The following RGS7 variants were observed in gnomAD, a reference collection of about 807,000 sequenced individuals.
The protein encoded by RGS7 is regulator of G-protein signaling 7.
RGS7 carries 27 observed loss-of-function variants against 81.1 expected under a neutral mutation model. The observed-to-expected ratio is 0.33, with a 90% CI of 0.25 to 0.46. The LOEUF (loss-of-function observed/expected upper bound fraction) is 0.46. Ranked by LOEUF, RGS7 falls within the 20% of genes least tolerant of loss-of-function variation. RGS7 has a pLI of 1.00. For synonymous variants in RGS7, 208 were observed against 207.7 expected (o/e 1.00, Z -0.01); for missense variants, 396 against 607.4 (o/e 0.65, Z 3.66).
intron 2 of RGS7, among the ~76,000 whole-genome samples, chr1:241,310,739 C>T (rs937522319): frequency 4.6e-5 from 7 of 152,110 alleles, no homozygotes; most frequent in African/African-American, 1.7e-4. Flanking sequence ...CAATTCAGAA[C>T]TGTCCTACTT....
chr1:241,004,517 G>A (rs968479894), intron 3 of RGS7, among the ~76,000 whole-genome samples: 9 of 152,080 alleles, frequency 5.9e-5, no homozygotes, highest in African/African-American at 2.2e-4. Context: ...ATTGACAAGA[G>A]GCAGATTAAT....
intron 2 of RGS7, among the ~76,000 whole-genome samples, chr1:241,104,271 C>A (rs931197893): frequency 1.3e-5 from 2 of 152,058 alleles, no homozygotes; most frequent in Admixed American, 1.3e-4. Context: ...ATTCAGCCGG[C>A]AAAGATGCTG....
At position 240,844,526 on chromosome 1, in the gene RGS7, G is replaced by A. The variant is rs150596411; in HGVS notation, c.610-17354C>T. On this transcript the variant is annotated intron_variant, in intron 9 of 18. Coordinates refer to ENST00000440928, the MANE Select transcript of RGS7 (RefSeq NM_001364886.1). ...ATAAAAGCACCAACTTAATAATAGG[G>A]GAAGCAGTTTTTATTCTCATTCTAC... is the stretch of plus-strand genomic sequence containing the variant. 5.3e-3 allele frequency among the ~76,000 whole-genome samples: 807 copies of A among 152,168 alleles called. 7 individuals are homozygous for A. The highest frequency in any genetic ancestry group is 0.019 in the African/African-American group (784 of 41,502).
At chr1:240,830,520 G>T (rs1693648034) in intron 9 of RGS7, among the ~76,000 whole-genome samples, 1 of 152,186 alleles carries the variant, frequency 6.6e-6, no homozygotes, top group East Asian at 1.9e-4. Context: ...ACCAATCCTG[G>T]ATAGCAGCAG....
At chr1:240,794,010 G>A (rs1415498974) in intron 18 of RGS7, among the ~76,000 whole-genome samples, 3 of 152,008 alleles carry the variant, frequency 2.0e-5, no homozygotes, top group African/African-American at 7.2e-5. Flanking sequence ...TATGCACAAA[G>A]GCTTTCTTTA....
rs574536174 is a variant in RGS7, at chr1:241,248,368, G to GTA, written c.78+107329_78+107330dup. The stretch of plus-strand genomic sequence containing the variant: ...GATATATATACATATATATATATAC[G>GTA]TATATATATGTATATATACATACAT... On this transcript the variant is annotated intron_variant, in intron 2 of 18. Transcript: ENST00000440928. Among the ~76,000 whole-genome samples, 1,442 of 145,824 alleles carry GTA rather than the reference G, an allele frequency of 9.9e-3. 10 individuals carry two copies. Among genetic ancestry groups the GTA allele is most frequent in the African/African-American group, 0.018 (731 of 39,860 alleles).
chr1:241,325,000 T>C (rs2081411292), intron 2 of RGS7, among the ~76,000 whole-genome samples: 1 of 152,200 alleles, frequency 6.6e-6, no homozygotes, highest in South Asian at 2.1e-4. Flanking sequence ...TAAACAGTGA[T>C]AAAAAATAAT....
chr1:241,278,377 T>G (rs1573478616), intron 2 of RGS7, among the ~76,000 whole-genome samples: 1 of 152,240 alleles, frequency 6.6e-6, no homozygotes, highest in Non-Finnish European at 1.5e-5. Context: ...TTTATTTTTG[T>G]TTTTTCTAAT....
chr1:240,917,130 C>G (rs140876105), intron 6 of RGS7, among the ~76,000 whole-genome samples: 1 of 152,208 alleles, frequency 6.6e-6, no homozygotes, highest in East Asian at 1.9e-4. Flanking sequence ...AAAGAAAAAA[C>G]CCATTAACCT....
intron 3 of RGS7, among the ~76,000 whole-genome samples, chr1:241,047,369 T>G (rs2148792598): frequency 6.6e-6 from 1 of 152,258 alleles, no homozygotes; most frequent in East Asian, 1.9e-4. Flanking sequence ...TTCCTCTTTC[T>G]TTGTCTTTCC....
chr1:241,238,555 G>C (rs1414949862), intron 2 of RGS7, among the ~76,000 whole-genome samples: 6 of 151,788 alleles, frequency 4.0e-5, no homozygotes, highest in Non-Finnish European at 8.8e-5. Flanking sequence ...AAAATTTTTA[G>C]AGGAGTTTCA....
At chr1:241,270,973 G>A (rs1441370434) in intron 2 of RGS7, among the ~76,000 whole-genome samples, 2 of 152,040 alleles carry the variant, frequency 1.3e-5, no homozygotes, top group Admixed American at 6.6e-5. Flanking sequence ...TAGCCAGGAT[G>A]GTCTCAATCT....
intron 18 of RGS7, among the ~76,000 whole-genome samples, chr1:240,790,505 G>T (rs373324940): frequency 6.6e-6 from 1 of 152,232 alleles, no homozygotes; most frequent in Non-Finnish European, 1.5e-5. Flanking sequence ...AAACTTGAGG[G>T]AGGTGATGTA....
intron 2 of RGS7, among the ~76,000 whole-genome samples, chr1:241,261,988 A>G (rs1316270): frequency 0.6 from 90,567 of 151,640 alleles, 27,349 homozygotes; most frequent in African/African-American, 0.69. Context: ...TTGTTTGTTC[A>G]TTTTTTAAGA....
At chr1:240,823,931 C>T (rs140497749) in intron 10 of RGS7, among the ~76,000 whole-genome samples, 2 of 151,786 alleles carry the variant, frequency 1.3e-5, no homozygotes, top group African/African-American at 4.8e-5. Flanking sequence ...CGACAGTTCC[C>T]CTTCAAACTT....
intron 2 of RGS7, among the ~76,000 whole-genome samples, chr1:241,177,963 G>A (rs55664943): frequency 0.22 from 34,079 of 152,038 alleles, 4,252 homozygotes; most frequent in African/African-American, 0.33. Flanking sequence ...AGACAGATAT[G>A]TGAATTAGGT....
intron 2 of RGS7, among the ~76,000 whole-genome samples, chr1:241,204,287 G>A (rs914331001): frequency 1.3e-5 from 2 of 152,178 alleles, no homozygotes. Context: ...GGAATAAAAA[G>A]TTGTAGAAGA....
chr1:240,843,367 G>A (rs1300015497), intron 9 of RGS7, among the ~76,000 whole-genome samples: 6 of 151,888 alleles, frequency 4.0e-5, no homozygotes, highest in Non-Finnish European at 5.9e-5. Context: ...CTAGGCTCAG[G>A]TGATTCTCCT....
At chr1:240,919,201 A>G (rs1673086199) in intron 6 of RGS7, among the ~76,000 whole-genome samples, 1 of 152,198 alleles carries the variant, frequency 6.6e-6, no homozygotes, top group Non-Finnish European at 1.5e-5. Context: ...AGAAAATAGA[A>G]GCAGAGGAAT....
Sources: gnomAD v4.1 joint callset for allele counts (sites outside exome capture counted in the v4.1 genomes callset) on GRCh38, gnomAD v4.1.1 for gene constraint, MANE v1.5 for transcripts, NCBI Gene and HGNC (gene_info 2026-07-23, HGNC 2026-07-21) for gene names.